Variants in RBMS3 observed in about 807,000 individuals in gnomAD.
RBMS3 encodes the protein RNA-binding motif, single-stranded-interacting protein 3.
In RBMS3, 27 loss-of-function variants were observed where a neutral mutation model predicts 66.8. That is an observed-to-expected ratio of 0.40 (90% confidence interval 0.30 to 0.56). The LOEUF (loss-of-function observed/expected upper bound fraction) is 0.56. RBMS3 is among the 20% of genes least tolerant of loss of function. The probability of loss-of-function intolerance (pLI) is 0.40; values close to 1 mark genes in which losing one functional copy is unlikely to be tolerated. For missense variants in RBMS3, 513 were observed against 549.5 expected (o/e 0.93, Z 0.66); for synonymous variants, 188 against 183.0 (o/e 1.03, Z -0.22).
intron 1 of RBMS3, among the ~76,000 whole-genome samples, chr3:29,402,873 G>A (rs992470890): frequency 1.3e-5 from 2 of 151,974 alleles, no homozygotes; most frequent in African/African-American, 4.8e-5. Flanking sequence ...ATAAACTGGA[G>A]TTTATGGACA....
intron 2 of RBMS3, among the ~76,000 whole-genome samples, chr3:29,487,731 TA>T (rs1390719062): frequency 6.6e-6 from 1 of 152,164 alleles, no homozygotes; most frequent in African/African-American, 2.4e-5. Context: ...CCTCATCTTA[TA>T]TACTTACAAA....
chr3:29,783,477 T>C (rs979470027), intron 6 of RBMS3, among the ~76,000 whole-genome samples: 1 of 152,114 alleles, frequency 6.6e-6, no homozygotes, highest in African/African-American at 2.4e-5. Context: ...ATACAGTCTT[T>C]TCCAGACAAA....
intron 6 of RBMS3, among the ~76,000 whole-genome samples, chr3:29,804,855 C>T (rs1460030903): frequency 8.6e-5 from 13 of 151,738 alleles, no homozygotes; most frequent in East Asian, 7.7e-4. Context: ...TTGCTTTAAA[C>T]GGTTTAATCA....
chr3:29,380,503 A>T (rs538729199), intron 1 of RBMS3, among the ~76,000 whole-genome samples: 17 of 152,332 alleles, frequency 1.1e-4, no homozygotes, highest in Admixed American at 4.6e-4. Context: ...AATTGTGGTA[A>T]GTTGCATTGC....
intron 4 of RBMS3, among the ~76,000 whole-genome samples, chr3:29,666,850 T>C (rs1220900299): frequency 6.6e-6 from 1 of 152,204 alleles, no homozygotes; most frequent in Non-Finnish European, 1.5e-5. Flanking sequence ...TTATCACAGT[T>C]GTTAATGAGT....
chr3:29,754,516 G>A (rs1250661821), intron 5 of RBMS3, among the ~76,000 whole-genome samples: 1 of 152,170 alleles, frequency 6.6e-6, no homozygotes, highest in African/African-American at 2.4e-5. Flanking sequence ...TGACTCCAGT[G>A]AGGTCAGATG....
chr3:29,761,509 GC>G (rs920237821), intron 5 of RBMS3, among the ~76,000 whole-genome samples: 1 of 151,934 alleles, frequency 6.6e-6, no homozygotes, highest in African/African-American at 2.4e-5. Flanking sequence ...TCAGCCCCCT[GC>G]CCTAATTACT....
chr3:29,801,185 A>G (rs148174206), intron 6 of RBMS3, among the ~76,000 whole-genome samples: 6 of 152,112 alleles, frequency 3.9e-5, no homozygotes, highest in Admixed American at 2.6e-4. Context: ...TGACACAGCA[A>G]TGGGGGTCAG....
chr3:29,731,014 A>T (rs2054107857), intron 4 of RBMS3: 2 of 985,400 alleles, frequency 2.0e-6, no homozygotes, highest in African/African-American at 3.5e-5. Context: ...ACCAAAGGTA[A>T]CTTAAATTTA....
chr3:29,554,772 G>A (rs894859912), intron 3 of RBMS3, among the ~76,000 whole-genome samples: 8 of 152,110 alleles, frequency 5.3e-5, no homozygotes, highest in Admixed American at 3.3e-4. Context: ...CATCTGGTAC[G>A]GGTGGCTTAT....
chr3:29,913,777 C>T (rs1011415440), intron 10 of RBMS3, among the ~76,000 whole-genome samples: 1 of 151,880 alleles, frequency 6.6e-6, no homozygotes, highest in African/African-American at 2.4e-5. Context: ...AAAATCAATT[C>T]TTACTTTCCG....
chr3:29,379,314 G>C (rs1388076212), intron 1 of RBMS3, among the ~76,000 whole-genome samples: 3 of 152,116 alleles, frequency 2.0e-5, no homozygotes, highest in Non-Finnish European at 4.4e-5. Flanking sequence ...GATTGAATTA[G>C]AGAATTTTTT....
At chr3:29,552,855 G>A (rs969414436) in intron 3 of RBMS3, among the ~76,000 whole-genome samples, 1 of 152,104 alleles carries the variant, frequency 6.6e-6, no homozygotes, top group African/African-American at 2.4e-5. Context: ...GGTAGTATCT[G>A]GGTAGTAAAT....
chr3:29,557,267 T>C (rs2046398448), intron 3 of RBMS3, among the ~76,000 whole-genome samples: 1 of 152,138 alleles, frequency 6.6e-6, no homozygotes, highest in Non-Finnish European at 1.5e-5. Context: ...AACAGAACAT[T>C]CCCAACAAAC....
chr3:29,339,553 G>A (rs1444412846), intron 1 of RBMS3, among the ~76,000 whole-genome samples: 1 of 151,482 alleles, frequency 6.6e-6, no homozygotes, highest in Admixed American at 6.6e-5. Flanking sequence ...ACACTGCAGA[G>A]TGATTAGATC....
At chr3:29,904,586 C>A (rs964660306) in intron 10 of RBMS3, among the ~76,000 whole-genome samples, 1 of 151,884 alleles carries the variant, frequency 6.6e-6, no homozygotes, top group Non-Finnish European at 1.5e-5. Context: ...ATATTACACC[C>A]TAGTGAGAAA....
chr3:29,456,927 A>G (rs1438596289), intron 2 of RBMS3, among the ~76,000 whole-genome samples: 1 of 152,190 alleles, frequency 6.6e-6, no homozygotes, highest in African/African-American at 2.4e-5. Flanking sequence ...ATAAAGATTG[A>G]ATCAGAATGA....
Position 29,723,056 on chromosome 3 carries a change from A to G in RBMS3, c.400-16664A>G, listed in dbSNP as rs1252428000. ...AACGGCATGATCTTGGCTCACTGCA[A>G]CCTCCGCCTCCCAGGTTCAAGTGAT... On this transcript the variant is annotated intron_variant, in intron 4 of 14. Coordinates refer to ENST00000383767, the MANE Select transcript of RBMS3 (RefSeq NM_001003793.3). 2.0e-5 allele frequency among the ~76,000 whole-genome samples: 3 copies of G among 151,544 alleles called. No individual in the cohort carries two copies. The South Asian group carries it at 6.3e-4, about 32-fold the overall frequency.
chr3:29,470,129 T>A lies in RBMS3; in HGVS notation c.249-18312T>A, dbSNP rs530331852. On this transcript the variant is annotated intron_variant, in intron 2 of 14. Coordinates refer to ENST00000383767, the MANE Select transcript of RBMS3 (RefSeq NM_001003793.3). Reference sequence around the variant, plus strand: ...ATAACACAAATAAACAAGGTAGTATTTGTATATAAATAAACTAAAATTTAA... The same window carrying A: ...ATAACACAAATAAACAAGGTAGTATATGTATATAAATAAACTAAAATTTAA... 2.0e-3 allele frequency among the ~76,000 whole-genome samples: 301 copies of A among 151,354 alleles called. 2 individuals are homozygous for A. The highest frequency in any genetic ancestry group is 2.3e-3 in the Non-Finnish European group (155 of 67,680).
Sources: gnomAD v4.1 joint callset for allele counts (sites outside exome capture counted in the v4.1 genomes callset) on GRCh38, gnomAD v4.1.1 for gene constraint, MANE v1.5 for transcripts, NCBI Gene and HGNC (gene_info 2026-07-23, HGNC 2026-07-21) for gene names.